CYP20A1: variants seen among roughly 807,000 people sequenced by gnomAD.
CYP20A1 encodes cytochrome P450 20A1.
CYP20A1 carries 61 observed loss-of-function variants against 61.4 expected under a neutral mutation model. That is an observed-to-expected ratio of 0.99 (90% CI 0.81 to 1.23). The LOEUF (loss-of-function observed/expected upper bound fraction) is 1.23, where lower values mean the gene tolerates loss of function less well. Among genes scored for constraint, CYP20A1 ranks in the 50% most tolerant of loss-of-function variants. The probability of loss-of-function intolerance (pLI) is 0.00; values close to 1 mark genes in which losing one functional copy is unlikely to be tolerated. For missense variants in CYP20A1, 530 were observed against 542.4 expected (o/e 0.98, Z 0.23); for synonymous variants, 193 against 188.2 (o/e 1.03, Z -0.21).
chr2:203,275,438 T>A (rs2067775869), intron 6 of CYP20A1, among the ~76,000 whole-genome samples: 1 of 151,998 alleles, frequency 6.6e-6, no homozygotes, highest in Admixed American at 6.6e-5. Flanking sequence ...CTTTTCTTTT[T>A]TTTTGTTTTT....
chr2:203,258,748 C>T (rs553715534), intron 4 of CYP20A1, among the ~76,000 whole-genome samples: 2 of 152,254 alleles, frequency 1.3e-5, no homozygotes, highest in South Asian at 4.1e-4. Flanking sequence ...GTACATACGT[C>T]GTGTTCTTTG....
intron 4 of CYP20A1, among the ~76,000 whole-genome samples, chr2:203,261,080 A>C (rs925654443): frequency 3.3e-5 from 5 of 152,198 alleles, no homozygotes; most frequent in African/African-American, 1.2e-4. Flanking sequence ...TTATATTAAG[A>C]ATTATAGGCT....
chr2:203,301,914 C>CTTTTTTTTTTTTT lies in CYP20A1; in HGVS notation c.*5016_*5028dup, dbSNP rs763764173. On this transcript the variant is annotated 3_prime_UTR_variant, in exon 13 of 13. Coordinates refer to ENST00000356079, the MANE Select transcript of CYP20A1 (RefSeq NM_177538.3). ...TTTGAAGTTAACCACTGTTAAGATTCTTTTTTTTTTTTTTTTTTTTTTGTT... is the reference window on the plus strand; with the variant it reads ...TTTGAAGTTAACCACTGTTAAGATTCTTTTTTTTTTTTTTTTTTTTTTTTTTTTTTTTTTTGTT... Among the ~76,000 whole-genome samples, 17 of 103,566 alleles carry CTTTTTTTTTTTTT rather than the reference C, an allele frequency of 1.6e-4. 1 individual carries two copies. Among genetic ancestry groups the CTTTTTTTTTTTTT allele is most frequent in the Non-Finnish European group, 2.2e-4 (12 of 54,856 alleles). The allele number at this position is 103,566 out of a possible 152,430, so 67.9% of individuals were successfully genotyped here. A position where few individuals can be genotyped will look rare whatever the true frequency, so the allele number is the denominator to read the frequency against.
At chr2:203,246,228 C>T (rs896847675) in intron 2 of CYP20A1, among the ~76,000 whole-genome samples, 2 of 152,218 alleles carry the variant, frequency 1.3e-5, no homozygotes, top group Non-Finnish European at 2.9e-5. Context: ...TTTTAGATCA[C>T]TCATCTTATT....
intron 9 of CYP20A1, among the ~76,000 whole-genome samples, chr2:203,286,547 A>C (rs1218975964): frequency 2.0e-5 from 3 of 152,184 alleles, no homozygotes; most frequent in African/African-American, 7.2e-5. Context: ...ACACACAACA[A>C]CACAGATGAA....
chr2:203,285,072 G>C (rs1023599293), intron 8 of CYP20A1, among the ~76,000 whole-genome samples: 1 of 151,970 alleles, frequency 6.6e-6, no homozygotes. Context: ...GAGCCACCAC[G>C]TCTGGTTGAG....
At chr2:203,255,500 C>T (rs1290484936) in intron 4 of CYP20A1, among the ~76,000 whole-genome samples, 11 of 152,194 alleles carry the variant, frequency 7.2e-5, no homozygotes, top group African/African-American at 2.6e-4. Context: ...CCTATACTCA[C>T]AATTGAAGGA....
In CYP20A1 at chr2:203,278,686, C is replaced by T. The variant is rs200737569; in HGVS notation, c.793C>T (p.Gln265Ter). 8.6e-5 allele frequency: 127 copies of T among 1,479,156 alleles called. No homozygotes were observed. Among genetic ancestry groups the T allele is most frequent in the Middle Eastern group, 1.7e-4 (1 of 5,780 alleles). 91.6% of individuals were successfully genotyped at this position (1,479,156 alleles called of 1,614,324 possible). The change falls in exon 7 of 13, where the codon CAG becomes TAG. Residue 265 changes from glutamine to a stop codon, truncating the protein, a stop_gained and splice_region_variant. Transcript: ENST00000356079. LOFTEE classifies it high-confidence loss of function. The part of the protein sequence containing the change: ...SLVQGNLNDQ[Q>*]ILEDSMIFSL... ...AGTACAAGGGAACCTTAATGACCAA[C>T]AGGTGATATAATTGTTAAATGTTTA... is the stretch of plus-strand genomic sequence containing the variant.
chr2:203,287,585 G>C (rs1403049569), intron 9 of CYP20A1, among the ~76,000 whole-genome samples: 2 of 152,072 alleles, frequency 1.3e-5, no homozygotes, highest in Non-Finnish European at 2.9e-5. Flanking sequence ...ATGTGCCTAT[G>C]GTTACAACTA....
intron 4 of CYP20A1, 38 bp from the exon 5 acceptor site, chr2:203,266,476 A>G (rs774167112): frequency 2.2e-5 from 34 of 1,567,776 alleles, no homozygotes; most frequent in Non-Finnish European, 2.7e-5. Flanking sequence ...TTTAGAAAGA[A>G]GAAACAGTAA....
chr2:203,290,516 ATTG>A (rs1392199178), intron 10 of CYP20A1, among the ~76,000 whole-genome samples: 5 of 152,056 alleles, frequency 3.3e-5, no homozygotes, highest in African/African-American at 1.2e-4. Context: ...CTCTTTCTAT[ATTG>A]TTCTTTAATT....
chr2:203,264,976 A>G (rs2067270063), intron 4 of CYP20A1, among the ~76,000 whole-genome samples: 1 of 152,038 alleles, frequency 6.6e-6, no homozygotes, highest in South Asian at 2.1e-4. Flanking sequence ...TGATCTGCCC[A>G]CCTCGGCCTC....
In CYP20A1 at chr2:203,306,004, A is replaced by C. The variant is rs1265107201; in HGVS notation, c.*9096A>C. On this transcript the variant is annotated 3_prime_UTR_variant, in exon 13 of 13. Coordinates refer to ENST00000356079, the MANE Select transcript of CYP20A1 (RefSeq NM_177538.3). Reference sequence around the variant, plus strand: ...AGATTTATAATATAGTACTATACAAAATACAACTAAAATAGTTGGTAACCA... The same window carrying C: ...AGATTTATAATATAGTACTATACAACATACAACTAAAATAGTTGGTAACCA... Among the ~76,000 whole-genome samples the C allele has an allele frequency of 1.3e-5, 2 of 152,180 alleles. No individual in the cohort carries two copies. The highest frequency in any genetic ancestry group is 6.5e-5 in the Admixed American group (1 of 15,272).
rs368665488 is a variant in CYP20A1 at position 203,283,267 on chromosome 2, A to T, written c.851-2345A>T. On this transcript the variant is annotated intron_variant, in intron 8 of 12. Transcript: ENST00000356079. ...AGTCTCACTCTGTCGCCCAGGCTGG[A>T]GTGCAGTGGTGCAATCTCGGCTCAC... Among the ~76,000 whole-genome samples the T allele has an allele frequency of 1.7e-5, 2 of 119,436 alleles. 1 individual carries two copies. The highest frequency in any genetic ancestry group is 5.9e-4 in the East Asian group (2 of 3,410). 78.4% of individuals were successfully genotyped at this position (119,436 alleles called of 152,430 possible).
At position 203,264,466 on chromosome 2, in the gene CYP20A1, C is replaced by T. The variant is rs1271007634; in HGVS notation, c.433-2048C>T. On this transcript the variant is annotated intron_variant, in intron 4 of 12. Coordinates refer to ENST00000356079, the MANE Select transcript of CYP20A1 (RefSeq NM_177538.3). ...GATATTAACTCCACTAGCTTTCTTT[C>T]AGTTAGTGTTTAATGTTTTATTGTT... 2.9e-4 allele frequency among the ~76,000 whole-genome samples: 44 copies of T among 152,188 alleles called. 1 individual carries two copies. Among genetic ancestry groups the T allele is most frequent in the Admixed American group, 2.9e-3 (44 of 15,280 alleles).
intron 8 of CYP20A1, among the ~76,000 whole-genome samples, chr2:203,281,111 C>T (rs1025042099): frequency 6.6e-6 from 1 of 152,054 alleles, no homozygotes; most frequent in Non-Finnish European, 1.5e-5. Flanking sequence ...TCTAAGTTTC[C>T]TCACTTGGTT....
chr2:203,239,197 C>G lies in CYP20A1; in HGVS notation c.72+63C>G, dbSNP rs1031394668. 142 of 1,380,374 alleles carry G rather than the reference C, an allele frequency of 1.0e-4. 1 individual carries two copies. Among genetic ancestry groups the G allele is most frequent in the Non-Finnish European group, 1.4e-4 (135 of 975,428 alleles). 85.5% of individuals were successfully genotyped at this position (1,380,374 alleles called of 1,614,324 possible). On this transcript the variant is annotated intron_variant, in intron 1 of 12. Coordinates refer to ENST00000356079, the MANE Select transcript of CYP20A1 (RefSeq NM_177538.3). The stretch of plus-strand genomic sequence containing the variant: ...GCCCCAGTCTCTCTGTCGCCGGCAT[C>G]CAGGCCAACCTGCCCGCTGCGGGCC...
At chr2:203,283,132 C>T (rs1385850802) in intron 8 of CYP20A1, among the ~76,000 whole-genome samples, 1 of 150,748 alleles carries the variant, frequency 6.6e-6, no homozygotes, top group Admixed American at 6.6e-5. Context: ...GCTGTGATCA[C>T]TACCACTGCA....
At chr2:203,239,294 A>C (rs1575152364) in intron 1 of CYP20A1, among the ~76,000 whole-genome samples, 160 bp downstream of exon 1, 2 of 151,976 alleles carry the variant, frequency 1.3e-5, no homozygotes, top group African/African-American at 4.8e-5. Context: ...ACCCGGAGTC[A>C]CGTGACGCCC....
Sources: gnomAD v4.1 joint callset for allele counts (sites outside exome capture counted in the v4.1 genomes callset) on GRCh38, gnomAD v4.1.1 for gene constraint, MANE v1.5 for transcripts, NCBI Gene and HGNC (gene_info 2026-07-23, HGNC 2026-07-21) for gene names.